Variants in AGBL1 observed in about 807,000 individuals in gnomAD.
AGBL1 encodes the protein AGBL carboxypeptidase 1, also known as cytosolic carboxypeptidase 4.
Under a neutral mutation model 118.9 loss-of-function variants are expected in AGBL1, and 130 were observed. That is an observed-to-expected ratio of 1.09 (90% confidence interval 0.95 to 1.26). The LOEUF (loss-of-function observed/expected upper bound fraction) is 1.26, where lower values mean the gene tolerates loss of function less well. Ranked by LOEUF, AGBL1 falls within the 50% of genes most tolerant of loss-of-function variation. AGBL1 has a pLI of 0.00. For synonymous variants in AGBL1, 555 were observed against 478.9 expected (o/e 1.16, Z -2.08); for missense variants, 1,584 against 1,298.1 (o/e 1.22, Z -3.38).
At chr15:86,572,094 G>C (rs2084018147) in intron 21 of AGBL1, among the ~76,000 whole-genome samples, 1 of 152,202 alleles carries the variant, frequency 6.6e-6, no homozygotes, top group Non-Finnish European at 1.5e-5. Flanking sequence ...CATTGCCCAG[G>C]CTCAGCCCTG....
At chr15:86,149,070 A>T (rs1020213582) in intron 3 of AGBL1, among the ~76,000 whole-genome samples, 1 of 152,192 alleles carries the variant, frequency 6.6e-6, no homozygotes, top group East Asian at 1.9e-4. Flanking sequence ...TACAGACAAG[A>T]AAATGCTGAG....
chr15:86,653,659 A>C (rs1317709372), intron 21 of AGBL1, among the ~76,000 whole-genome samples: 1 of 152,124 alleles, frequency 6.6e-6, no homozygotes, highest in African/African-American at 2.4e-5. Flanking sequence ...CCCCCTAGTG[A>C]CCACAGGCTG....
intron 19 of AGBL1, among the ~76,000 whole-genome samples, chr15:86,530,337 C>G (rs914491993): frequency 9.5e-4 from 124 of 130,174 alleles, no homozygotes; most frequent in Non-Finnish European, 1.6e-3. Context: ...GACTTTAAAC[C>G]AACAAAGATC....
intron 22 of AGBL1, among the ~76,000 whole-genome samples, chr15:86,692,627 T>A (rs2086192363): frequency 6.6e-6 from 1 of 152,132 alleles, no homozygotes; most frequent in South Asian, 2.1e-4. Flanking sequence ...TTATTTCCAT[T>A]GATTTTGGAG....
At chr15:86,105,433 CG>C (rs980384702) in intron 1 of AGBL1, 1 of 152,132 alleles carries the variant, frequency 6.6e-6, no homozygotes, top group African/African-American at 2.4e-5. Context: ...CTCATGTTAG[CG>C]GGGCCACCAT....
chr15:86,268,902 C>T (rs909098024), intron 13 of AGBL1, among the ~76,000 whole-genome samples: 11 of 152,048 alleles, frequency 7.2e-5, no homozygotes, highest in Admixed American at 5.9e-4. Flanking sequence ...TGGATTGGGG[C>T]AAAAACATTT....
chr15:86,488,001 C>T (rs1169962452), intron 18 of AGBL1, among the ~76,000 whole-genome samples: 2 of 151,968 alleles, frequency 1.3e-5, no homozygotes, highest in Admixed American at 6.6e-5. Flanking sequence ...CTGGTCAAAG[C>T]AAACAATAAG....
intron 5 of AGBL1, among the ~76,000 whole-genome samples, chr15:86,202,320 T>G (rs1354728734): frequency 6.6e-6 from 1 of 152,078 alleles, no homozygotes; most frequent in Non-Finnish European, 1.5e-5. Flanking sequence ...CAGGTAAACC[T>G]GTGTTAGGCA....
intron 23 of AGBL1, among the ~76,000 whole-genome samples, chr15:86,946,954 T>G (rs146048418): frequency 5.7e-4 from 86 of 151,878 alleles, no homozygotes; most frequent in African/African-American, 1.9e-3. Context: ...TGCCCATTAC[T>G]CAGAAATCTG....
chr15:86,430,440 A>C (rs1038614238), intron 18 of AGBL1, among the ~76,000 whole-genome samples: 6 of 150,946 alleles, frequency 4.0e-5, no homozygotes, highest in Non-Finnish European at 7.4e-5. Context: ...GCTTGCAGTG[A>C]GCCGAGATCA....
At chr15:86,961,322 A>T (rs568032936) in intron 23 of AGBL1, among the ~76,000 whole-genome samples, 2 of 152,210 alleles carry the variant, frequency 1.3e-5, no homozygotes, top group East Asian at 1.9e-4. Context: ...AGAAAAAAAA[A>T]GCCAATGAGG....
At chr15:86,559,123 C>G (rs1388564894) in intron 21 of AGBL1, among the ~76,000 whole-genome samples, 1 of 152,158 alleles carries the variant, frequency 6.6e-6, no homozygotes, top group African/African-American at 2.4e-5. Context: ...GAACCTCTAT[C>G]TCTGTGTCTC....
At chr15:86,733,743 G>GA (rs1309251416) in intron 22 of AGBL1, among the ~76,000 whole-genome samples, 1 of 152,158 alleles carries the variant, frequency 6.6e-6, no homozygotes, top group Non-Finnish European at 1.5e-5. Context: ...GTGAGGCTCA[G>GA]AAAATTCAAA....
chr15:86,371,883 G>C (rs6496325), intron 17 of AGBL1, among the ~76,000 whole-genome samples: 71 of 152,092 alleles, frequency 4.7e-4, no homozygotes, highest in Admixed American at 7.9e-4. Context: ...CTGCTTGTAG[G>C]GGGGAGGTGA....
intron 22 of AGBL1, among the ~76,000 whole-genome samples, chr15:86,889,857 C>T (rs1354246172): frequency 1.3e-5 from 2 of 152,174 alleles, no homozygotes; most frequent in Admixed American, 1.3e-4. Context: ...AATGAACATA[C>T]ATATGCATGT....
intron 5 of AGBL1, among the ~76,000 whole-genome samples, chr15:86,219,144 T>C (rs1008758438): frequency 1.3e-5 from 2 of 152,178 alleles, no homozygotes; most frequent in Non-Finnish European, 2.9e-5. Flanking sequence ...GCACATTTTT[T>C]CTCCAGTGAC....
intron 5 of AGBL1, among the ~76,000 whole-genome samples, chr15:86,163,977 G>C (rs998422219): frequency 6.6e-5 from 10 of 152,202 alleles, no homozygotes; most frequent in Admixed American, 6.5e-4. Context: ...TATTGCATGA[G>C]GGAATGAGGT....
At chr15:86,628,752 C>T (rs1392474652) in intron 21 of AGBL1, among the ~76,000 whole-genome samples, 1 of 151,942 alleles carries the variant, frequency 6.6e-6, no homozygotes, top group African/African-American at 2.4e-5. Flanking sequence ...GCAGAGATTG[C>T]ACCACTGAAC....
chr15:86,777,838 A>G (rs1357672582), intron 22 of AGBL1, among the ~76,000 whole-genome samples: 2 of 152,188 alleles, frequency 1.3e-5, no homozygotes, highest in Non-Finnish European at 2.9e-5. Flanking sequence ...TCATAATAGT[A>G]AGTCTTGATT....
Sources: allele counts gnomAD v4.1 joint callset (sites outside exome capture counted in the v4.1 genomes callset), GRCh38; gene constraint gnomAD v4.1.1; transcripts MANE v1.5; gene names NCBI Gene and HGNC (gene_info 2026-07-23, HGNC 2026-07-21).